The following SUGCT variants were observed in gnomAD, a reference collection of about 807,000 sequenced individuals.
The protein encoded by SUGCT is succinyl-CoA:glutarate-CoA transferase.
A neutral mutation model predicts 55.0 loss-of-function variants in SUGCT; 41 were observed. That is an observed-to-expected ratio of 0.74 (90% CI 0.58 to 0.97). SUGCT has a LOEUF of 0.97. Among genes scored for constraint, SUGCT ranks in the 50% least tolerant of loss-of-function variants. SUGCT has a pLI of 0.00. For synonymous variants in SUGCT, 187 were observed against 200.4 expected (o/e 0.93, Z 0.56); for missense variants, 568 against 547.8 (o/e 1.04, Z -0.37).
At chr7:40,341,593 T>A (rs73688044) in intron 9 of SUGCT, among the ~76,000 whole-genome samples, 2,203 of 152,212 alleles carry the variant, frequency 0.014, 46 homozygotes, top group South Asian at 0.059. Flanking sequence ...GCCAGTAAAA[T>A]TATAAATCAA....
downstream of SUGCT, among the ~76,000 whole-genome samples, chr7:40,864,374 A>G (rs1372790914): frequency 6.6e-6 from 1 of 152,054 alleles, no homozygotes; most frequent in Non-Finnish European, 1.5e-5. Flanking sequence ...CTGGTCTCGA[A>G]CTCCTGACCT....
At chr7:40,790,842 A>G (rs1790274324) in intron 13 of SUGCT, among the ~76,000 whole-genome samples, 2 of 152,358 alleles carry the variant, frequency 1.3e-5, no homozygotes, top group South Asian at 4.1e-4. Context: ...ACTGGTGTGC[A>G]TTTTCATCTG....
At chr7:40,479,314 A>G (rs1320907239) in intron 11 of SUGCT, among the ~76,000 whole-genome samples, 4 of 152,186 alleles carry the variant, frequency 2.6e-5, no homozygotes, top group Non-Finnish European at 5.9e-5. Context: ...TAAGATTATA[A>G]TAATGAATTT....
intron 9 of SUGCT, among the ~76,000 whole-genome samples, chr7:40,368,606 T>A (rs1784130623): frequency 6.6e-6 from 1 of 152,210 alleles, no homozygotes; most frequent in Admixed American, 6.5e-5. Flanking sequence ...AGACTTCAAG[T>A]ACAAAGCATC....
intron 1 of SUGCT, among the ~76,000 whole-genome samples, chr7:40,150,260 C>T (rs757617100): frequency 2.6e-5 from 4 of 152,168 alleles, no homozygotes; most frequent in South Asian, 2.1e-4. Context: ...TTGTGGCCCC[C>T]GCCCAGGAAC....
chr7:40,173,598 T>C (rs1784781601), intron 1 of SUGCT, among the ~76,000 whole-genome samples: 1 of 152,180 alleles, frequency 6.6e-6, no homozygotes, highest in Non-Finnish European at 1.5e-5. Flanking sequence ...TTTCTTTACC[T>C]CCTGCTTTTA....
intron 9 of SUGCT, among the ~76,000 whole-genome samples, chr7:40,329,574 A>G (rs1796201782): frequency 6.6e-6 from 1 of 152,190 alleles, no homozygotes; most frequent in Non-Finnish European, 1.5e-5. Context: ...CAGGTGCGAA[A>G]TGCTCTGGGT....
intron 12 of SUGCT, among the ~76,000 whole-genome samples, chr7:40,511,873 A>T (rs573463551): frequency 6.6e-6 from 1 of 152,252 alleles, no homozygotes; most frequent in East Asian, 1.9e-4. Context: ...TAAAGCCTGA[A>T]ATATTATTAA....
At chr7:40,983,784 T>C in the SUGCT span, among the ~76,000 whole-genome samples, 10 of 152,364 alleles carry the variant, frequency 6.6e-5, no homozygotes, top group African/African-American at 2.4e-4. Flanking sequence ...GCACAAAGCA[T>C]GTTAGCAATG....
intron 9 of SUGCT, among the ~76,000 whole-genome samples, chr7:40,348,927 A>C (rs111459409): frequency 4.6e-5 from 7 of 152,026 alleles, no homozygotes; most frequent in African/African-American, 1.7e-4. Context: ...TTTTGAGTGG[A>C]TAAGCAGACA....
chr7:40,853,776 T>C (rs535017396), intron 13 of SUGCT, among the ~76,000 whole-genome samples: 71 of 152,346 alleles, frequency 4.7e-4, no homozygotes, highest in African/African-American at 1.6e-3. Flanking sequence ...GCTATAATAA[T>C]TTCTTCCTTA....
chr7:40,498,655 C>T (rs1247892220), intron 12 of SUGCT, among the ~76,000 whole-genome samples: 1 of 152,162 alleles, frequency 6.6e-6, no homozygotes, highest in Admixed American at 6.5e-5. Context: ...CTTTAGTTTC[C>T]TTAAGTGTAA....
intron 6 of SUGCT, among the ~76,000 whole-genome samples, chr7:40,234,934 A>G (rs1014475509): frequency 6.6e-6 from 1 of 152,110 alleles, no homozygotes; most frequent in African/African-American, 2.4e-5. Context: ...GAAAAAAAAA[A>G]GAAAAAGATA....
intron 3 of SUGCT, among the ~76,000 whole-genome samples, chr7:40,185,188 GT>G (rs1204456323): frequency 1.3e-5 from 2 of 151,702 alleles, no homozygotes; most frequent in Non-Finnish European, 2.9e-5. Flanking sequence ...CTCAACATTT[GT>G]TTTTTTTCTT....
the SUGCT span, among the ~76,000 whole-genome samples, chr7:41,004,861 C>T: frequency 1.3e-5 from 2 of 152,144 alleles, no homozygotes; most frequent in Admixed American, 6.5e-5. Context: ...GTAACTGATC[C>T]CTTCCCCTGG....
At chr7:40,422,987 G>A (rs965647034) in intron 9 of SUGCT, among the ~76,000 whole-genome samples, 1 of 152,122 alleles carries the variant, frequency 6.6e-6, no homozygotes, top group African/African-American at 2.4e-5. Flanking sequence ...CATAGATGCT[G>A]AATGTTATGA....
chr7:40,671,344 G>A (rs73124020), intron 12 of SUGCT, among the ~76,000 whole-genome samples: 26,439 of 152,080 alleles, frequency 0.17, 2,381 homozygotes, highest in African/African-American at 0.2. Context: ...GGAAAACTTT[G>A]TCAACTTGAA....
the SUGCT span, among the ~76,000 whole-genome samples, chr7:41,035,505 T>C: frequency 6.6e-6 from 1 of 152,146 alleles, no homozygotes; most frequent in Non-Finnish European, 1.5e-5. Context: ...GTAAGACCCA[T>C]CCCTCTATAC....
rs569253622 is a variant in SUGCT at position 40,189,283 on chromosome 7, A to G, written c.313-261A>G. 6.0e-4 allele frequency among the ~76,000 whole-genome samples: 91 copies of G among 152,208 alleles called. 2 individuals carry two copies. In the South Asian group the frequency reaches 0.017, roughly 29 times the overall value. ...CCTGAACCCGGGAGGCAGAGGTTGC[A>G]GTGAGCCAAGATTGCACCACTGCAC... On this transcript the variant is annotated intron_variant, in intron 4 of 13. Transcript: ENST00000335693.
Sources: gnomAD v4.1 joint callset for allele counts (sites outside exome capture counted in the v4.1 genomes callset) on GRCh38, gnomAD v4.1.1 for gene constraint, MANE v1.5 for transcripts, NCBI Gene and HGNC (gene_info 2026-07-23, HGNC 2026-07-21) for gene names.